CNTNAP5: variants seen among roughly 807,000 people sequenced by gnomAD.
CNTNAP5 encodes the protein contactin-associated protein-like 5.
In CNTNAP5, 72 loss-of-function variants were observed where a neutral mutation model predicts 150.2. That is an observed-to-expected ratio of 0.48 (90% CI 0.40 to 0.58). CNTNAP5 has a LOEUF of 0.58. CNTNAP5 is among the 20% of genes least tolerant of loss of function. The pLI is 0.00. For synonymous variants in CNTNAP5, 672 were observed against 619.8 expected (o/e 1.08, Z -1.25); for missense variants, 1,636 against 1,626.2 (o/e 1.01, Z -0.10).
intron 13 of CNTNAP5, among the ~76,000 whole-genome samples, chr2:124,737,015 G>A (rs1409800034): frequency 1.3e-5 from 2 of 152,076 alleles, no homozygotes; most frequent in East Asian, 3.9e-4. Context: ...ACAATAGGCT[G>A]GGAGCAGTGG....
chr2:124,197,912 C>T (rs1000521663), intron 1 of CNTNAP5, among the ~76,000 whole-genome samples: 1 of 151,622 alleles, frequency 6.6e-6, no homozygotes, highest in Non-Finnish European at 1.5e-5. Context: ...ACCCGGGAAG[C>T]GGAGCTTGCA....
At chr2:124,773,902 G>A (rs1191064181) in intron 17 of CNTNAP5, among the ~76,000 whole-genome samples, 2 of 106,998 alleles carry the variant, frequency 1.9e-5, no homozygotes, top group East Asian at 3.0e-4. Context: ...TTAAACATAA[G>A]GGAGTGCGTG....
chr2:124,761,009 C>A (rs1680945288), intron 14 of CNTNAP5, among the ~76,000 whole-genome samples: 2 of 152,092 alleles, frequency 1.3e-5, no homozygotes, highest in Admixed American at 1.3e-4. Context: ...CAGCGACAGG[C>A]TTTCTTACTA....
At position 124,860,066 on chromosome 2, in the gene CNTNAP5, A is replaced by T. The variant is rs986263226; in HGVS notation, c.3218-5240A>T. 3.3e-5 allele frequency among the ~76,000 whole-genome samples: 5 copies of T among 152,072 alleles called. No individual in the cohort carries two copies. The East Asian group carries it at 9.6e-4, about 29-fold the overall frequency. On this transcript the variant is annotated intron_variant, in intron 19 of 23. Transcript: ENST00000682447. ...TAGAACTTAAAGTATAAAAAAAAAA[A>T]ATAGGCCTGGTGTGGTGACTCACGC... is the stretch of plus-strand genomic sequence containing the variant.
In CNTNAP5 at chr2:124,257,984, T is replaced by A. The variant is rs1687356186; in HGVS notation, c.381+15591T>A. ...TTGAAAGCCATGCAATTGATGCATTTGCTGGGGATTATCTTTCGCCCGTCA... is the reference window on the plus strand; with the variant it reads ...TTGAAAGCCATGCAATTGATGCATTAGCTGGGGATTATCTTTCGCCCGTCA... On this transcript the variant is annotated intron_variant, in intron 3 of 23. Coordinates refer to ENST00000682447, the MANE Select transcript of CNTNAP5 (RefSeq NM_001367498.1). Among the ~76,000 whole-genome samples the A allele has an allele frequency of 2.6e-5, 4 of 152,304 alleles. No homozygotes were observed. The South Asian group carries it at 8.3e-4, about 32-fold the overall frequency.
At chr2:124,795,826 G>GT (rs1395655231) in intron 18 of CNTNAP5, among the ~76,000 whole-genome samples, 14 of 151,862 alleles carry the variant, frequency 9.2e-5, no homozygotes, top group African/African-American at 2.7e-4. Context: ...CCAGGTGTTT[G>GT]TTTTTTTTAA....
At chr2:124,375,539 G>A (rs892702857) in intron 3 of CNTNAP5, among the ~76,000 whole-genome samples, 1 of 152,084 alleles carries the variant, frequency 6.6e-6, no homozygotes, top group Admixed American at 6.6e-5. Context: ...AGGCCACATG[G>A]TAATTAATGC....
chr2:124,240,930 G>A (rs1367438372), intron 2 of CNTNAP5, among the ~76,000 whole-genome samples: 2 of 152,140 alleles, frequency 1.3e-5, no homozygotes, highest in African/African-American at 2.4e-5. Flanking sequence ...CCAAGGTGGC[G>A]AGAAAGTAGA....
At chr2:124,864,536 C>T (rs753592892) in intron 19 of CNTNAP5, among the ~76,000 whole-genome samples, 1 of 145,014 alleles carries the variant, frequency 6.9e-6, no homozygotes, top group Non-Finnish European at 1.5e-5. Flanking sequence ...TATTCTCTCT[C>T]TCTCTCTCTG....
chr2:124,869,021 G>A (rs1677689481), intron 20 of CNTNAP5, among the ~76,000 whole-genome samples: 1 of 152,106 alleles, frequency 6.6e-6, no homozygotes, highest in Non-Finnish European at 1.5e-5. Flanking sequence ...GAAGTAAGGA[G>A]GGATCTCTAA....
intron 1 of CNTNAP5, among the ~76,000 whole-genome samples, chr2:124,126,611 G>T (rs542199935): frequency 6.6e-6 from 1 of 152,158 alleles, no homozygotes; most frequent in Non-Finnish European, 1.5e-5. Flanking sequence ...AACAAAAAAA[G>T]AGAATTTTAG....
At chr2:124,130,158 G>A (rs964340065) in intron 1 of CNTNAP5, among the ~76,000 whole-genome samples, 2 of 152,120 alleles carry the variant, frequency 1.3e-5, no homozygotes. Context: ...TATATTGTCA[G>A]GGCCTGCAAC....
intron 1 of CNTNAP5, among the ~76,000 whole-genome samples, chr2:124,134,512 A>T (rs1683930943): frequency 6.6e-6 from 1 of 152,212 alleles, no homozygotes. Context: ...CTATTAGTAA[A>T]TTAACCTCAG....
At chr2:124,234,517 C>T (rs1686699950) in intron 2 of CNTNAP5, among the ~76,000 whole-genome samples, 1 of 151,996 alleles carries the variant, frequency 6.6e-6, no homozygotes, top group South Asian at 2.1e-4. Flanking sequence ...GTTTTAAAGC[C>T]TGTAAGTTTT....
intron 1 of CNTNAP5, among the ~76,000 whole-genome samples, chr2:124,072,069 G>T (rs543727773): frequency 6.6e-6 from 1 of 151,980 alleles, no homozygotes; most frequent in South Asian, 2.1e-4. Context: ...ATGCAAGCAT[G>T]GTTCAACATA....
chr2:124,746,109 A>T (rs1680597857), intron 13 of CNTNAP5, among the ~76,000 whole-genome samples: 1 of 152,228 alleles, frequency 6.6e-6, no homozygotes, highest in Admixed American at 6.5e-5. Flanking sequence ...AGTGGCCCTT[A>T]ATAAATATTT....
intron 13 of CNTNAP5, among the ~76,000 whole-genome samples, chr2:124,663,288 G>A (rs1329049736): frequency 6.6e-6 from 1 of 152,172 alleles, no homozygotes; most frequent in Non-Finnish European, 1.5e-5. Context: ...CTTGAACTGT[G>A]CCAAACCTAG....
At chr2:124,621,177 C>T (rs1158943254) in intron 12 of CNTNAP5, among the ~76,000 whole-genome samples, 1 of 152,114 alleles carries the variant, frequency 6.6e-6, no homozygotes, top group Non-Finnish European at 1.5e-5. Context: ...AAAGATATTT[C>T]TTAGCTGTAT....
chr2:124,363,869 A>C lies in CNTNAP5; in HGVS notation c.382-53574A>C, dbSNP rs562248485. Among the ~76,000 whole-genome samples the C allele has an allele frequency of 7.2e-5, 11 of 152,322 alleles. No homozygotes were observed. The East Asian group carries it at 1.7e-3, about 24-fold the overall frequency. ...TTCTGTGTGTAGCAATTATATCTTA[A>C]TAAAGATATATGCATATACAGAATC... On this transcript the variant is annotated intron_variant, in intron 3 of 23. Coordinates refer to ENST00000682447, the MANE Select transcript of CNTNAP5 (RefSeq NM_001367498.1).
Sources: allele counts gnomAD v4.1 joint callset (sites outside exome capture counted in the v4.1 genomes callset), GRCh38; gene constraint gnomAD v4.1.1; transcripts MANE v1.5; gene names NCBI Gene and HGNC (gene_info 2026-07-23, HGNC 2026-07-21).